The following MYZAP variants were observed in gnomAD, a reference collection of about 807,000 sequenced individuals.
MYZAP encodes the protein GRINL1A complex locus upstream.
In MYZAP, 66 loss-of-function variants were observed where a neutral mutation model predicts 69.4. That is an observed-to-expected ratio of 0.95 (90% CI 0.78 to 1.17). The LOEUF (loss-of-function observed/expected upper bound fraction) is 1.17, where lower values mean the gene tolerates loss of function less well. Among genes scored for constraint, MYZAP ranks in the 50% most tolerant of loss-of-function variants. The pLI, the probability that MYZAP is intolerant of heterozygous loss-of-function variation, is 0.00. For missense variants in MYZAP, 611 were observed against 556.2 expected, an observed-to-expected ratio of 1.10 and a Z score of -0.99; for synonymous variants, 256 against 205.9, an observed-to-expected ratio of 1.24 and a Z score of -2.09.
intron 6 of MYZAP, among the ~76,000 whole-genome samples, chr15:57,630,425 A>G (rs1395341789): frequency 6.6e-6 from 1 of 152,100 alleles, no homozygotes; most frequent in Non-Finnish European, 1.5e-5. Flanking sequence ...AGCCTTGGAG[A>G]TCTCTTCCTT....
At chr15:57,604,202 A>C (rs752298820) in intron 1 of MYZAP, 67 bp from the exon 2 acceptor site, 8 of 1,548,384 alleles carry the variant, frequency 5.2e-6, no homozygotes, top group Non-Finnish European at 7.1e-6. Flanking sequence ...GAGAAGCCCA[A>C]GGTCATCTGG....
intron 2 of MYZAP, among the ~76,000 whole-genome samples, chr15:57,608,773 C>G (rs2034919898): frequency 6.6e-6 from 1 of 152,198 alleles, no homozygotes; most frequent in Non-Finnish European, 1.5e-5. Flanking sequence ...CCCCCTTAGA[C>G]CTTCTGGAGT....
chr15:57,599,672 C>G, intron 1 of MYZAP: 1 of 1,289,134 alleles, frequency 7.8e-7, no homozygotes, highest in Non-Finnish European at 1.0e-6. Context: ...TTTCAGGAGA[C>G]CATGGAGATC....
At position 57,639,557 on chromosome 15, in the gene MYZAP, C is replaced by A. The variant is rs2037015195; in HGVS notation, c.1119+12C>A. The A allele has an allele frequency of 6.2e-7, 1 of 1,611,370 alleles. No individual in the cohort carries two copies. Among genetic ancestry groups the A allele is most frequent in the Non-Finnish European group, 8.5e-7 (1 of 1,178,874 alleles). ...AGATGGTCGAGGAGGTAAGCATCTG[C>A]AAAAGGTCACAGGCCTGGGATTGCT... On this transcript the variant is annotated intron_variant, in intron 10 of 12. Transcript: ENST00000267853.
intron 10 of MYZAP, among the ~76,000 whole-genome samples, chr15:57,660,773 A>T (rs954452432): frequency 6.6e-6 from 1 of 152,170 alleles, no homozygotes; most frequent in Admixed American, 6.5e-5. Context: ...CAGGGAAGCT[A>T]TGGTTTGTCT....
chr15:57,676,427 T>TACATAC (rs1450187997), intron 12 of MYZAP, among the ~76,000 whole-genome samples: 1 of 88,452 alleles, frequency 1.1e-5, no homozygotes, highest in Non-Finnish European at 2.3e-5. Flanking sequence ...TATGTGTATA[T>TACATAC]ATATATATGT....
intron 1 of MYZAP, among the ~76,000 whole-genome samples, chr15:57,600,871 G>C (rs1306785506): frequency 6.6e-6 from 1 of 152,114 alleles, no homozygotes; most frequent in Non-Finnish European, 1.5e-5. Context: ...TTGAGCCCAG[G>C]TGTCTAAGAC....
chr15:57,616,659 A>G (rs1191057206), intron 2 of MYZAP, among the ~76,000 whole-genome samples: 1 of 151,448 alleles, frequency 6.6e-6, no homozygotes, highest in East Asian at 1.9e-4. Flanking sequence ...AAAATACAAA[A>G]ATGAGCCCAT....
intron 5 of MYZAP, among the ~76,000 whole-genome samples, chr15:57,628,188 T>C (rs1195709413): frequency 6.6e-6 from 1 of 152,218 alleles, no homozygotes; most frequent in Non-Finnish European, 1.5e-5. Flanking sequence ...CGGCACAGAT[T>C]CTGTGGAGGC....
At chr15:57,651,371 C>G (rs1353001063) in intron 10 of MYZAP, among the ~76,000 whole-genome samples, 2 of 152,182 alleles carry the variant, frequency 1.3e-5, no homozygotes, top group African/African-American at 2.4e-5. Flanking sequence ...ATCCCCATCT[C>G]CATTCCATCT....
intron 8 of MYZAP, among the ~76,000 whole-genome samples, chr15:57,634,538 G>A (rs1431881091): frequency 6.6e-6 from 1 of 152,182 alleles, no homozygotes; most frequent in Admixed American, 6.5e-5. Context: ...GATGATGGAG[G>A]CAGAGGTGGG....
intron 2 of MYZAP, among the ~76,000 whole-genome samples, chr15:57,614,960 C>A (rs1348160687): frequency 1.3e-5 from 2 of 152,104 alleles, no homozygotes; most frequent in African/African-American, 4.8e-5. Context: ...CCTCTTTCTT[C>A]AGTAACTTTC....
intron 3 of MYZAP, among the ~76,000 whole-genome samples, chr15:57,619,746 A>C (rs2035696026): frequency 6.6e-6 from 1 of 152,090 alleles, no homozygotes; most frequent in Non-Finnish European, 1.5e-5. Context: ...TTTTTTTCTC[A>C]AGGAAATACA....
intron 7 of MYZAP, among the ~76,000 whole-genome samples, chr15:57,633,310 T>A (rs1339572759): frequency 6.6e-6 from 1 of 152,236 alleles, no homozygotes; most frequent in East Asian, 1.9e-4. Flanking sequence ...AGTGACATTC[T>A]GAGCATCTAC....
At chr15:57,593,852 C>T (rs2033880247) in intron 1 of MYZAP, among the ~76,000 whole-genome samples, 1 of 152,160 alleles carries the variant, frequency 6.6e-6, no homozygotes. Context: ...GCAGATGTTA[C>T]AAGTACTATC....
chr15:57,634,653 C>T (rs1018761666), intron 8 of MYZAP, among the ~76,000 whole-genome samples: 8 of 152,208 alleles, frequency 5.3e-5, no homozygotes, highest in Non-Finnish European at 8.8e-5. Flanking sequence ...CCTCATAAGG[C>T]GAGGTGTCGC....
chr15:57,625,582 A>C (rs1184236230), intron 4 of MYZAP, among the ~76,000 whole-genome samples, 197 bp from the exon 5 acceptor site: 1 of 152,226 alleles, frequency 6.6e-6, no homozygotes, highest in East Asian at 1.9e-4. Context: ...AGGGTCTGTG[A>C]GTAAACACTA....
chr15:57,651,027 T>G (rs537381070), intron 10 of MYZAP, among the ~76,000 whole-genome samples: 1 of 152,318 alleles, frequency 6.6e-6, no homozygotes, highest in East Asian at 1.9e-4. Flanking sequence ...CCCCATTGCC[T>G]GATCAGATAT....
intron 1 of MYZAP, among the ~76,000 whole-genome samples, chr15:57,597,683 T>G (rs1193789489): frequency 6.6e-5 from 10 of 152,204 alleles, no homozygotes; most frequent in Admixed American, 3.9e-4. Flanking sequence ...GCCTCTGAGC[T>G]AAGAATGGTT....
Sources: gnomAD v4.1 joint callset for allele counts (sites outside exome capture counted in the v4.1 genomes callset) on GRCh38, gnomAD v4.1.1 for gene constraint, MANE v1.5 for transcripts, NCBI Gene and HGNC (gene_info 2026-07-23, HGNC 2026-07-21) for gene names.